The following CLEC16A variants were observed in gnomAD, a reference collection of about 807,000 sequenced individuals.
CLEC16A encodes C-type lectin domain containing 16A, also known as protein CLEC16A.
A neutral mutation model predicts 109.5 loss-of-function variants in CLEC16A; 51 were observed. The ratio of observed to expected loss-of-function variants is 0.47; its 90% CI spans 0.37 to 0.59. The LOEUF is 0.59. Ranked by LOEUF, CLEC16A falls within the 20% of genes least tolerant of loss-of-function variation. CLEC16A has a pLI of 0.00. For missense variants in CLEC16A, 1,339 were observed against 1,394.0 expected (o/e 0.96, Z 0.63); for synonymous variants, 673 against 564.2 (o/e 1.19, Z -2.73).
intron 8 of CLEC16A, among the ~76,000 whole-genome samples, chr16:10,977,729 G>T (rs150398019): frequency 6.6e-6 from 1 of 152,126 alleles, no homozygotes; most frequent in African/African-American, 2.4e-5. Context: ...TGTTGGTCAG[G>T]CTGGTCTCAA....
At chr16:11,114,829 C>T (rs1387550436) in intron 19 of CLEC16A, among the ~76,000 whole-genome samples, 1 of 152,170 alleles carries the variant, frequency 6.6e-6, no homozygotes. Flanking sequence ...ATAGCATTTG[C>T]TTGTAATCTG....
intron 10 of CLEC16A, among the ~76,000 whole-genome samples, chr16:10,998,609 C>T (rs1254018723): frequency 1.3e-5 from 2 of 152,334 alleles, no homozygotes; most frequent in South Asian, 2.1e-4. Flanking sequence ...CATTCTGCTA[C>T]GTTTAGCTCC....
intron 19 of CLEC16A, among the ~76,000 whole-genome samples, chr16:11,072,833 G>A (rs1277658910): frequency 1.3e-5 from 2 of 152,202 alleles, no homozygotes; most frequent in African/African-American, 4.8e-5. Context: ...TTCTTTGTCG[G>A]AATCCTAACA....
At chr16:11,041,350 C>T (rs762854417) in intron 14 of CLEC16A, 3 of 152,172 alleles carry the variant, frequency 2.0e-5, no homozygotes, top group Non-Finnish European at 2.9e-5. Context: ...GACAGAAACC[C>T]GACTCACTCT....
intron 19 of CLEC16A, chr16:11,070,707 T>G (rs2049024621): frequency 6.6e-6 from 1 of 152,236 alleles, no homozygotes. Context: ...TGAGGCTTAT[T>G]ATGTGACACC....
At chr16:10,985,220 A>AAAATAT (rs1555526163) in intron 10 of CLEC16A, among the ~76,000 whole-genome samples, 18 of 104,080 alleles carry the variant, frequency 1.7e-4, no homozygotes, top group African/African-American at 7.3e-4. Flanking sequence ...AAAAAAAAAA[A>AAAATAT]ATATATATAT....
At chr16:11,066,624 C>T (rs904952558) in intron 19 of CLEC16A, 1 of 152,214 alleles carries the variant, frequency 6.6e-6, no homozygotes, top group African/African-American at 2.4e-5. Flanking sequence ...TTGTCTGAGA[C>T]TTCTGACGTA....
At chr16:11,102,743 C>G (rs1423908696) in intron 19 of CLEC16A, among the ~76,000 whole-genome samples, 1 of 152,256 alleles carries the variant, frequency 6.6e-6, no homozygotes, top group African/African-American at 2.4e-5. Flanking sequence ...GTTCTCCCCA[C>G]CAAATCCTGC....
chr16:10,969,341 G>C (rs1417797623), intron 4 of CLEC16A, 32 bp downstream of exon 4: 1 of 1,404,956 alleles, frequency 7.1e-7, no homozygotes, highest in Non-Finnish European at 9.6e-7. Context: ...ACGTGTGGGT[G>C]TAAAGCCACA....
At chr16:10,963,005 C>A (rs549406898) in intron 3 of CLEC16A, among the ~76,000 whole-genome samples, 1 of 151,908 alleles carries the variant, frequency 6.6e-6, no homozygotes, top group East Asian at 1.9e-4. Context: ...TGCAGTGAGC[C>A]GTGATTGTGC....
chr16:11,158,779 G>A (rs2054619499), intron 22 of CLEC16A, among the ~76,000 whole-genome samples: 1 of 152,188 alleles, frequency 6.6e-6, no homozygotes, highest in Non-Finnish European at 1.5e-5. Flanking sequence ...AATTAGCTGG[G>A]CATGGTGGTG....
intron 10 of CLEC16A, among the ~76,000 whole-genome samples, chr16:10,995,950 A>C (rs115497130): frequency 1.3e-5 from 2 of 152,142 alleles, no homozygotes; most frequent in East Asian, 3.8e-4. Context: ...GATTATCACA[A>C]CAGCTTTGAT....
At chr16:11,091,853 C>G (rs987436076) in intron 19 of CLEC16A, among the ~76,000 whole-genome samples, 2 of 152,108 alleles carry the variant, frequency 1.3e-5, no homozygotes, top group African/African-American at 4.8e-5. Context: ...AGCTCCCCCT[C>G]GTAAGTTACC....
At chr16:11,128,285 T>C (rs143669007) in intron 22 of CLEC16A, among the ~76,000 whole-genome samples, 186 of 152,348 alleles carry the variant, frequency 1.2e-3, no homozygotes, top group African/African-American at 4.0e-3. Flanking sequence ...GGATGACTTA[T>C]TGCTTACCTC....
intron 3 of CLEC16A, 119 bp downstream of exon 3, chr16:10,962,707 C>T (rs2042308375): frequency 9.3e-7 from 1 of 1,070,010 alleles, no homozygotes; most frequent in East Asian, 2.4e-5. Flanking sequence ...TAACAAAATA[C>T]CATAGACTGA....
At chr16:11,104,725 G>T (rs768184120) in intron 19 of CLEC16A, among the ~76,000 whole-genome samples, 1 of 152,180 alleles carries the variant, frequency 6.6e-6, no homozygotes, top group East Asian at 1.9e-4. Context: ...CAAAGTAGGG[G>T]TGTCCTCATT....
intron 22 of CLEC16A, among the ~76,000 whole-genome samples, chr16:11,151,824 G>C (rs572958950): frequency 6.0e-4 from 92 of 152,308 alleles, no homozygotes; most frequent in Non-Finnish European, 1.0e-3. Flanking sequence ...CTTTCGGGGG[G>C]CGGGGGCCGG....
intron 19 of CLEC16A, among the ~76,000 whole-genome samples, chr16:11,106,584 C>T (rs1014057258): frequency 6.6e-6 from 1 of 151,776 alleles, no homozygotes; most frequent in Non-Finnish European, 1.5e-5. Flanking sequence ...CTCCTGGCCT[C>T]AAGCAATCCT....
At chr16:11,099,635 C>G (rs1301332984) in intron 19 of CLEC16A, among the ~76,000 whole-genome samples, 1 of 152,174 alleles carries the variant, frequency 6.6e-6, no homozygotes, top group Non-Finnish European at 1.5e-5. Context: ...AGGATCCCAG[C>G]TCCGTCACTT....
Sources: allele counts gnomAD v4.1 joint callset (sites outside exome capture counted in the v4.1 genomes callset), GRCh38; gene constraint gnomAD v4.1.1; transcripts MANE v1.5; gene names NCBI Gene and HGNC (gene_info 2026-07-23, HGNC 2026-07-21).